The following TICRR variants were observed in gnomAD, a reference collection of about 807,000 sequenced individuals.
TICRR encodes the protein treslin.
TICRR carries 132 observed loss-of-function variants against 178.1 expected under a neutral mutation model. The observed-to-expected ratio is 0.74, with a 90% CI of 0.64 to 0.86. TICRR has a LOEUF of 0.86. Ranked by LOEUF, TICRR falls within the 40% of genes least tolerant of loss-of-function variation. TICRR has a pLI of 0.00. For missense variants in TICRR, 2,587 were observed against 2,334.3 expected (o/e 1.11, Z -2.23); for synonymous variants, 991 against 900.7 (o/e 1.10, Z -1.79).
intron 4 of TICRR, among the ~76,000 whole-genome samples, chr15:89,586,624 G>A (rs575005002): frequency 1.3e-5 from 2 of 152,232 alleles, no homozygotes; most frequent in East Asian, 3.9e-4. Context: ...GGGTAGGGAG[G>A]GTTGCAATTT....
rs1963496751 is a variant in TICRR at position 89,625,170 on chromosome 15, C to T, written c.4860C>T (p.Thr1620=). 2.5e-6 allele frequency: 4 copies of T among 1,613,836 alleles called. No individual in the cohort carries two copies. Among genetic ancestry groups the T allele is most frequent in the Non-Finnish European group, 2.5e-6 (3 of 1,179,906 alleles). The part of the protein sequence containing the change: ...ASRSLSKPEP[T]YVSPPCPRLS... ...GGTCCTTAAGCAAACCTGAACCCAC[C>T]TATGTGTCACCCCCCTGCCCCCGCC... The change falls in exon 20 of 22, where the codon ACC becomes ACT. Residue 1620 remains threonine (T), a synonymous_variant. Transcript: ENST00000268138.
At chr15:89,600,748 G>A in intron 9 of TICRR, 63 bp downstream of exon 9, 1 of 772,560 alleles carries the variant, frequency 1.3e-6, no homozygotes, top group Non-Finnish European at 2.1e-6. Context: ...GCTCGTATCA[G>A]TTTAAAATAG....
chr15:89,625,467 G>C lies in TICRR; in HGVS notation c.5157G>C (p.Glu1719Asp). The C allele has an allele frequency of 6.2e-7, 1 of 1,613,956 alleles. No homozygotes were observed. The highest frequency in any genetic ancestry group is 1.1e-5 in the South Asian group (1 of 91,082). Residue 1719 changes from glutamate (E) to aspartate (D), a missense_variant, in exon 20 of 22, where the codon GAG (glutamate) becomes GAC (aspartate). By Grantham distance (45) the Glu-to-Asp change is conservative. Transcript: ENST00000268138. Reference protein sequence around the residue: ...LPGSLSLLESEGKDHGLELSI... With the variant: ...LPGSLSLLESDGKDHGLELSI... ...GGAGCCTGTCACTGCTTGAGTCAGA[G>C]GGCAAGGACCACGGCCTTGAACTCA...
chr15:89,584,679 G>A (rs1962790389), intron 3 of TICRR, 152 bp downstream of exon 3: 3 of 754,862 alleles, frequency 4.0e-6, no homozygotes, highest in East Asian at 3.1e-5. Flanking sequence ...TATCATGACA[G>A]CAATGCTTAT....
In TICRR at chr15:89,582,726, G is replaced by T. The variant is rs757671794; in HGVS notation, c.695G>T (p.Cys232Phe). Residue 232 changes from cysteine to phenylalanine, a missense_variant, in exon 2 of 22, where the codon TGT becomes TTT. Physicochemically the swap from Cys to Phe is radical, Grantham distance 205 (BLOSUM62 -2). Coordinates refer to ENST00000268138, the MANE Select transcript of TICRR (RefSeq NM_152259.4). Reference sequence around the variant, plus strand: ...GACCACCTTGGATACTGGACTGTTTGTGAACTGCTCCACCACGGAGGTGGC... The same window carrying T: ...GACCACCTTGGATACTGGACTGTTTTTGAACTGCTCCACCACGGAGGTGGC... Reference protein sequence around the residue: ...SPDHLGYWTVCELLHHGGGTV... With the variant: ...SPDHLGYWTVFELLHHGGGTV... 3 of 1,614,222 alleles carry T rather than the reference G, an allele frequency of 1.9e-6. No individual in the cohort carries two copies. The highest frequency in any genetic ancestry group is 2.5e-6 in the Non-Finnish European group (3 of 1,180,030).
chr15:89,591,885 G>GCAATATTACCACT, intron 4 of TICRR, 162 bp from the exon 5 acceptor site: 1 of 510,890 alleles, frequency 2.0e-6, no homozygotes. Flanking sequence ...TTACCACATA[G>GCAATATTACCACT]GCCTGTAGCA....
chr15:89,603,679 T>A (rs1963131933), intron 13 of TICRR, among the ~76,000 whole-genome samples: 1 of 152,186 alleles, frequency 6.6e-6, no homozygotes, highest in African/African-American at 2.4e-5. Context: ...TAGTCGCCCC[T>A]TATCTGCAGA....
At chr15:89,621,333 A>G (rs886429176) in intron 18 of TICRR, 60 bp from the exon 19 acceptor site, 3 of 1,532,542 alleles carry the variant, frequency 2.0e-6, no homozygotes, top group African/African-American at 2.8e-5. Context: ...CTGTTTTAAT[A>G]GTATTGGAAG....
At chr15:89,599,529 G>C in intron 8 of TICRR, 54 bp downstream of exon 8, 1 of 1,562,074 alleles carries the variant, frequency 6.4e-7, no homozygotes, top group East Asian at 2.3e-5. Flanking sequence ...TGGTTGGTTG[G>C]TTGGTGGTGG....
chr15:89,618,583 C>T (rs971286448), intron 17 of TICRR, among the ~76,000 whole-genome samples: 1 of 152,206 alleles, frequency 6.6e-6, no homozygotes, highest in Non-Finnish European at 1.5e-5. Flanking sequence ...ATTATCTTTG[C>T]TGCTGCCCCT....
At chr15:89,602,084 A>C in intron 12 of TICRR, 108 bp downstream of exon 12, 1 of 1,362,776 alleles carries the variant, frequency 7.3e-7, no homozygotes. Flanking sequence ...TGTTGAACTA[A>C]TAGCTGCCCT....
Position 89,576,014 on chromosome 15 carries a change from C to T in TICRR, c.428C>T (p.Ala143Val). 1 of 1,608,522 alleles carries T rather than the reference C, an allele frequency of 6.2e-7. No individual in the cohort carries two copies. The highest frequency in any genetic ancestry group is 8.5e-7 in the Non-Finnish European group (1 of 1,178,398). ...LLDVESEAKE[A>V]EAALGGLVNA... ...GACGTGGAGAGCGAGGCCAAGGAGG[C>T]CGAGGCCGCGCTCGGGGGCTTGGTG... The change falls in exon 1 of 22, where the codon GCC becomes GTC. Residue 143 changes from alanine (A) to valine (V), a missense_variant. By Grantham distance (64) the Ala-to-Val change is moderately conservative. Coordinates refer to ENST00000268138, the MANE Select transcript of TICRR (RefSeq NM_152259.4).
At chr15:89,583,123 T>C (rs187022750) in intron 2 of TICRR, among the ~76,000 whole-genome samples, 158 bp downstream of exon 2, 1 of 151,984 alleles carries the variant, frequency 6.6e-6, no homozygotes, top group East Asian at 1.9e-4. Flanking sequence ...AAATCAGAGA[T>C]ACTGTAGGAA....
At chr15:89,607,439 G>C (rs1035141086) in intron 14 of TICRR, among the ~76,000 whole-genome samples, 15 of 152,098 alleles carry the variant, frequency 9.9e-5, no homozygotes, top group African/African-American at 3.6e-4. Flanking sequence ...GTCAGTTGGT[G>C]AACTTTAGTG....
At position 89,595,578 on chromosome 15, in the gene TICRR, A is replaced by C. The variant is rs769587819; in HGVS notation, c.1867A>C (p.Arg623=). ...GAGAACAGTGGATAAATTGGAAGAC[A>C]GAGGAAGAACACTAAGAAGTTCTAA... The part of the protein sequence containing the change: ...SGRTVDKLED[R]GRTLRSSKPK... The change falls in exon 7 of 22, where the codon AGA becomes CGA. Residue 623 remains arginine, a synonymous_variant. Transcript: ENST00000268138. 1.4e-5 allele frequency: 23 copies of C among 1,614,042 alleles called. No individual in the cohort carries two copies. The highest frequency in any genetic ancestry group is 1.7e-5 in the Non-Finnish European group (20 of 1,180,010).
At position 89,575,896 on chromosome 15, in the gene TICRR, C is replaced by A; in HGVS notation, c.310C>A (p.Leu104Met). The A allele has an allele frequency of 6.3e-7, 1 of 1,589,218 alleles. No homozygotes were observed. The highest frequency in any genetic ancestry group is 1.3e-5 in the African/African-American group (1 of 74,548). The change falls in exon 1 of 22, where the codon CTG (leucine) becomes ATG (methionine). Residue 104 changes from leucine (L) to methionine (M), a missense_variant. Transcript: ENST00000268138. The part of the protein sequence containing the change: ...APRATHTHGA[L>M]METLLDYQWD... ...CAGGGCCACCCACACGCACGGCGCC[C>A]TGATGGAGACGCTGCTAGACTACCA...
intron 4 of TICRR, among the ~76,000 whole-genome samples, chr15:89,589,694 T>G (rs1389478308): frequency 4.6e-5 from 7 of 152,218 alleles, no homozygotes; most frequent in African/African-American, 1.7e-4. Flanking sequence ...TTATAGGCAT[T>G]TATGCTGTCC....
rs775652156 is a variant in TICRR, at chr15:89,601,311, G to T, written c.2167G>T (p.Val723Leu). 1 of 1,614,054 alleles carries T rather than the reference G, an allele frequency of 6.2e-7. No homozygotes were observed. Among genetic ancestry groups the T allele is most frequent in the Non-Finnish European group, 8.5e-7 (1 of 1,180,000 alleles). Reference protein sequence around the residue: ...EDKVRECQLQVFLRLEMCLQC... With the variant: ...EDKVRECQLQLFLRLEMCLQC... ...TTTTCTCTCAAGGTGCCAGCTTCAG[G>T]TATTTCTTCGTTTGGAGATGTGTCT... The change falls in exon 10 of 22, where the codon GTA becomes TTA. Residue 723 changes from valine to leucine, a missense_variant. Physicochemically the swap from Val to Leu is conservative, Grantham distance 32. Transcript: ENST00000268138.
At chr15:89,600,166 G>A (rs189201426) in intron 8 of TICRR, among the ~76,000 whole-genome samples, 15 of 152,274 alleles carry the variant, frequency 9.9e-5, no homozygotes, top group Non-Finnish European at 1.8e-4. Flanking sequence ...CTCTGGGGTT[G>A]GCGCTTTTAA....
Sources: allele counts gnomAD v4.1 joint callset (sites outside exome capture counted in the v4.1 genomes callset), GRCh38; gene constraint gnomAD v4.1.1; transcripts MANE v1.5; gene names NCBI Gene and HGNC (gene_info 2026-07-23, HGNC 2026-07-21).